ANKRD13C: variants seen among roughly 807,000 people sequenced by gnomAD.
ANKRD13C encodes ankyrin repeat domain 13C.
In ANKRD13C, 16 loss-of-function variants were observed where a neutral mutation model predicts 65.5. The observed-to-expected ratio is 0.24, with a 90% CI of 0.17 to 0.37. The LOEUF is 0.37. ANKRD13C is among the 10% of genes least tolerant of loss of function. The pLI is 1.00. For missense variants in ANKRD13C, 503 were observed against 655.9 expected, an observed-to-expected ratio of 0.77 and a Z score of 2.55; for synonymous variants, 235 against 238.7, an observed-to-expected ratio of 0.98 and a Z score of 0.14.
At chr1:70,264,479 A>AC (rs1189413834) in intron 12 of ANKRD13C, among the ~76,000 whole-genome samples, 1 of 142,466 alleles carries the variant, frequency 7.0e-6, no homozygotes, top group Non-Finnish European at 1.5e-5. Flanking sequence ...CTATCTCAAA[A>AC]AAAAAAAAAA....
Position 70,261,230 on chromosome 1 carries a change from G to A in ANKRD13C, c.*1487C>T, listed in dbSNP as rs567689392. 7.9e-5 allele frequency: 12 copies of A among 152,156 alleles called. No homozygotes were observed. The East Asian group carries it at 2.3e-3, about 29-fold the overall frequency. 9.4% of individuals were successfully genotyped at this position (152,156 alleles called of 1,614,324 possible). ...CATACGCAATGCATGTATCAGTATGGAAGATGCAGCTTTAAAGATGTTTAT... is the reference window on the plus strand; with the variant it reads ...CATACGCAATGCATGTATCAGTATGAAAGATGCAGCTTTAAAGATGTTTAT... On this transcript the variant is annotated 3_prime_UTR_variant, in exon 13 of 13. Transcript: ENST00000370944.
Position 70,354,598 on chromosome 1 carries a change from G to A in ANKRD13C, c.-190C>T. 2 of 1,346,496 alleles carry A rather than the reference G, an allele frequency of 1.5e-6. No individual in the cohort carries two copies. The highest frequency in any genetic ancestry group is 2.5e-5 in the East Asian group (1 of 39,494). The allele number at this position is 1,346,496 out of a possible 1,614,324, so 83.4% of individuals were successfully genotyped here. A position where few individuals can be genotyped will look rare whatever the true frequency, so the allele number is the denominator to read the frequency against. On this transcript the variant is annotated 5_prime_UTR_variant, in exon 1 of 13. Coordinates refer to ENST00000370944, the MANE Select transcript of ANKRD13C (RefSeq NM_030816.5). ...GCCGGCTCTCGCCTAGGCACGAAGG[G>A]ACGCGCGCTCGCTGGGGGAAGCTAG...
At chr1:70,301,768 G>A (rs1446941532) in intron 6 of ANKRD13C, among the ~76,000 whole-genome samples, 2 of 152,182 alleles carry the variant, frequency 1.3e-5, no homozygotes, top group Admixed American at 6.5e-5. Context: ...ACTACTTGCC[G>A]AAATTAGGAA....
chr1:70,296,659 A>G (rs533220970), intron 7 of ANKRD13C, among the ~76,000 whole-genome samples: 1 of 152,318 alleles, frequency 6.6e-6, no homozygotes, highest in East Asian at 1.9e-4. Context: ...TTTTTCTTTC[A>G]ATACAGATTA....
chr1:70,264,808 C>T (rs1678539906), intron 12 of ANKRD13C, among the ~76,000 whole-genome samples: 1 of 152,082 alleles, frequency 6.6e-6, no homozygotes, highest in Non-Finnish European at 1.5e-5. Flanking sequence ...TAAAGCATGA[C>T]AGTAGAATAG....
intron 6 of ANKRD13C, among the ~76,000 whole-genome samples, chr1:70,305,117 A>AAAC (rs960717558): frequency 4.6e-5 from 7 of 152,152 alleles, no homozygotes; most frequent in African/African-American, 1.7e-4. Context: ...GAAAAAACAA[A>AAAC]AACAACAACA....
chr1:70,341,250 G>A (rs1314625271), intron 1 of ANKRD13C, among the ~76,000 whole-genome samples: 1 of 151,954 alleles, frequency 6.6e-6, no homozygotes, highest in Non-Finnish European at 1.5e-5. Flanking sequence ...GCATGCAGTT[G>A]GGTGTTTTTA....
At chr1:70,332,240 C>T (rs1681848839) in intron 2 of ANKRD13C, among the ~76,000 whole-genome samples, 1 of 152,224 alleles carries the variant, frequency 6.6e-6, no homozygotes, top group South Asian at 2.1e-4. Context: ...ATGTCCAACA[C>T]ATGCCCCAAC....
In ANKRD13C at chr1:70,321,076, T is replaced by A. The variant is rs752711291; in HGVS notation, c.577+3777A>T. 4.7e-4 allele frequency among the ~76,000 whole-genome samples: 71 copies of A among 152,112 alleles called. 2 individuals are homozygous for A. The highest frequency in any genetic ancestry group is 5.6e-4 in the Non-Finnish European group (38 of 68,022). ...TCTAATATAATACTTTAAAGAAAAA[T>A]TTTGATTCTTGATACACAGTCTCGA... On this transcript the variant is annotated intron_variant, in intron 3 of 12. Coordinates refer to ENST00000370944, the MANE Select transcript of ANKRD13C (RefSeq NM_030816.5).
chr1:70,261,889 G>T lies in ANKRD13C; in HGVS notation c.*828C>A, dbSNP rs946477466. On this transcript the variant is annotated 3_prime_UTR_variant, in exon 13 of 13. Coordinates refer to ENST00000370944, the MANE Select transcript of ANKRD13C (RefSeq NM_030816.5). ...TTTAAAGTGCTGAGATTTGGAAGAG[G>T]AATATCTTTAAACATGCTAACCATT... 2.0e-5 allele frequency: 3 copies of T among 150,662 alleles called. No individual in the cohort carries two copies. Among genetic ancestry groups the T allele is most frequent in the Non-Finnish European group, 3.0e-5 (2 of 67,632 alleles). The allele number at this position is 150,662 out of a possible 1,614,324, so 9.3% of individuals were successfully genotyped here. A position where few individuals can be genotyped will look rare whatever the true frequency, so the allele number is the denominator to read the frequency against.
chr1:70,345,202 A>G (rs1466183374), intron 1 of ANKRD13C, among the ~76,000 whole-genome samples: 2 of 152,172 alleles, frequency 1.3e-5, no homozygotes, highest in Non-Finnish European at 1.5e-5. Context: ...GGACGAGGCA[A>G]GCAGATCACC....
intron 2 of ANKRD13C, among the ~76,000 whole-genome samples, chr1:70,327,189 TCTAA>T (rs1681581024): frequency 6.6e-6 from 1 of 152,156 alleles, no homozygotes; most frequent in African/African-American, 2.4e-5. Flanking sequence ...ACTTACACGA[TCTAA>T]CTTAGTGGCA....
At chr1:70,304,223 C>T (rs11209603) in intron 6 of ANKRD13C, among the ~76,000 whole-genome samples, 20,923 of 149,252 alleles carry the variant, frequency 0.14, 1,745 homozygotes, top group East Asian at 0.35. Context: ...TTGTATTTTT[C>T]GTATAGACAA....
rs1205180910 is a variant in ANKRD13C, at chr1:70,352,642, C to T, written c.430+1337G>A. 2.0e-5 allele frequency among the ~76,000 whole-genome samples: 3 copies of T among 152,274 alleles called. No individual in the cohort carries two copies. In the East Asian group the frequency reaches 5.8e-4, roughly 29 times the overall value. On this transcript the variant is annotated intron_variant, in intron 1 of 12. Coordinates refer to ENST00000370944, the MANE Select transcript of ANKRD13C (RefSeq NM_030816.5). ...ATTTGAAAAACTTCCTCATAATAGA[C>T]TAATAAACTGAAGCTACAACCCATC...
At chr1:70,346,363 C>T (rs375770758) in intron 1 of ANKRD13C, among the ~76,000 whole-genome samples, 1 of 152,046 alleles carries the variant, frequency 6.6e-6, no homozygotes, top group East Asian at 1.9e-4. Context: ...AATACAATGA[C>T]TACCAGCCCA....
intron 9 of ANKRD13C, among the ~76,000 whole-genome samples, chr1:70,279,500 CTT>C (rs757385338): frequency 2.0e-5 from 2 of 101,278 alleles, no homozygotes; most frequent in East Asian, 2.7e-4. Context: ...TTTTGAGCTA[CTT>C]TTTTTTTTTT....
At chr1:70,293,064 C>A (rs575219553) in intron 8 of ANKRD13C, among the ~76,000 whole-genome samples, 1 of 152,136 alleles carries the variant, frequency 6.6e-6, no homozygotes. Flanking sequence ...CTCTAACAGG[C>A]ACCAAACTTC....
At chr1:70,292,605 G>C in intron 8 of ANKRD13C, 56 bp from the exon 9 acceptor site, 1 of 1,332,098 alleles carries the variant, frequency 7.5e-7, no homozygotes, top group Admixed American at 2.5e-5. Context: ...AAAGTGTCAA[G>C]GTAATATATT....
intron 6 of ANKRD13C, among the ~76,000 whole-genome samples, chr1:70,302,162 T>A (rs1470077742): frequency 6.6e-6 from 1 of 152,088 alleles, no homozygotes; most frequent in Non-Finnish European, 1.5e-5. Flanking sequence ...GAATTTATCA[T>A]CAAAATTAAT....
Sources: gnomAD v4.1 joint callset for allele counts (sites outside exome capture counted in the v4.1 genomes callset) on GRCh38, gnomAD v4.1.1 for gene constraint, MANE v1.5 for transcripts, NCBI Gene and HGNC (gene_info 2026-07-23, HGNC 2026-07-21) for gene names.